HEATR5A: variants seen among roughly 807,000 people sequenced by gnomAD.
HEATR5A encodes the protein HEAT repeat containing 5A.
Under a neutral mutation model 218.8 loss-of-function variants are expected in HEATR5A, and 178 were observed. That is an observed-to-expected ratio of 0.81 (90% CI 0.72 to 0.92). The LOEUF (loss-of-function observed/expected upper bound fraction) is 0.92. Among genes scored for constraint, HEATR5A ranks in the 40% least tolerant of loss-of-function variants. The probability of loss-of-function intolerance (pLI) is 0.00; values close to 1 mark genes in which losing one functional copy is unlikely to be tolerated. For synonymous variants in HEATR5A, 864 were observed against 871.6 expected, an observed-to-expected ratio of 0.99 and a Z score of 0.15; for missense variants, 2,420 against 2,418.9, an observed-to-expected ratio of 1.00 and a Z score of -0.01.
At chr14:31,399,504 G>A (rs1399906999) in intron 3 of HEATR5A, among the ~76,000 whole-genome samples, 1 of 152,160 alleles carries the variant, frequency 6.6e-6, no homozygotes, top group Non-Finnish European at 1.5e-5. Flanking sequence ...CTGTTATAAG[G>A]TAAAAATGAG....
At chr14:31,328,922 CA>C (rs1307566941) in intron 22 of HEATR5A, among the ~76,000 whole-genome samples, 1 of 149,558 alleles carries the variant, frequency 6.7e-6, no homozygotes, top group Non-Finnish European at 1.5e-5. Flanking sequence ...CATTGACTCA[CA>C]GTTCCACATG....
At chr14:31,337,719 A>T in intron 21 of HEATR5A, 105 bp from the exon 22 acceptor site, 50 of 872,630 alleles carry the variant, frequency 5.7e-5, no homozygotes, top group Middle Eastern at 2.3e-4. Context: ...CCAGCCCATC[A>T]GTGGGCTGGA....
chr14:31,317,785 T>G (rs780444086), intron 26 of HEATR5A, among the ~76,000 whole-genome samples: 2 of 152,250 alleles, frequency 1.3e-5, no homozygotes, highest in Non-Finnish European at 2.9e-5. Flanking sequence ...ACTCACAATG[T>G]TGCTGGGACT....
At chr14:31,302,578 AAAG>A (rs1371720485) in intron 32 of HEATR5A, 59 bp from the exon 33 acceptor site, 3 of 1,140,022 alleles carry the variant, frequency 2.6e-6, no homozygotes, top group African/African-American at 1.6e-5. Context: ...TGGTTTCTAA[AAAG>A]AAATCATCAA....
chr14:31,396,172 C>T (rs1028834610), intron 4 of HEATR5A, among the ~76,000 whole-genome samples: 2 of 152,090 alleles, frequency 1.3e-5, no homozygotes, highest in Non-Finnish European at 2.9e-5. Flanking sequence ...GCCTGGGCAA[C>T]ATGGTGAAAC....
Position 31,321,496 on chromosome 14 carries a change from T to C in HEATR5A, c.3969+3A>G. On this transcript the variant is annotated splice_donor_region_variant and intron_variant, in intron 25 of 35. Transcript: ENST00000543095. ...ATAAAATTCTCTAAAAGAAAGTGCTTACATTGGCTTGATACTGTTCCAGAA... is the reference window on the plus strand; with the variant it reads ...ATAAAATTCTCTAAAAGAAAGTGCTCACATTGGCTTGATACTGTTCCAGAA... 1 of 1,572,748 alleles carries C rather than the reference T, an allele frequency of 6.4e-7. No individual in the cohort carries two copies. Among genetic ancestry groups the C allele is most frequent in the African/African-American group, 1.4e-5 (1 of 73,794 alleles).
At chr14:31,342,786 T>A (rs1462133153) in intron 21 of HEATR5A, among the ~76,000 whole-genome samples, 1 of 152,244 alleles carries the variant, frequency 6.6e-6, no homozygotes, top group Non-Finnish European at 1.5e-5. Context: ...CTTCAGTTTA[T>A]CTTTTTACTG....
chr14:31,335,289 T>C (rs1157204019), intron 22 of HEATR5A, among the ~76,000 whole-genome samples: 2 of 152,130 alleles, frequency 1.3e-5, no homozygotes, highest in Admixed American at 6.6e-5. Context: ...AGGTATTGTG[T>C]ATAGGTATGC....
At chr14:31,417,628 T>C (rs1348902992) in intron 1 of HEATR5A, among the ~76,000 whole-genome samples, 1 of 151,670 alleles carries the variant, frequency 6.6e-6, no homozygotes. Flanking sequence ...CACGCGCCTA[T>C]AATCCCAGCT....
chr14:31,305,089 G>A lies in HEATR5A; in HGVS notation c.5055C>T (p.Val1685=). ...TGGLVPGKSL[V]FATLELCVCI... ...ATACACACAATTCCAGTGTTGCAAA[G>A]ACCAAAGACTTTCCAGGCACAAGTC... The change falls in exon 32 of 36, where the codon GTC becomes GTT. Residue 1685 remains valine (V), a synonymous_variant. Transcript: ENST00000543095. The A allele has an allele frequency of 6.2e-7, 1 of 1,613,924 alleles. No homozygotes were observed. Among genetic ancestry groups the A allele is most frequent in the African/African-American group, 1.3e-5 (1 of 75,018 alleles).
chr14:31,302,725 T>C (rs921836634), intron 32 of HEATR5A: 15 of 513,188 alleles, frequency 2.9e-5, no homozygotes, highest in Non-Finnish European at 5.2e-5. Flanking sequence ...TAACTGGAGA[T>C]TACGTTTAAA....
At chr14:31,302,757 T>C in intron 32 of HEATR5A, 1 of 446,284 alleles carries the variant, frequency 2.2e-6, no homozygotes, top group Non-Finnish European at 4.0e-6. Context: ...AGTATCATTA[T>C]GCTTATGCTG....
At chr14:31,371,688 A>G in intron 13 of HEATR5A, 122 bp downstream of exon 13, 1 of 452,290 alleles carries the variant, frequency 2.2e-6, no homozygotes, top group Middle Eastern at 3.5e-4. Context: ...AAATCATATA[A>G]CTAACTGATT....
chr14:31,410,539 C>G (rs998739090), intron 1 of HEATR5A, among the ~76,000 whole-genome samples: 20 of 152,218 alleles, frequency 1.3e-4, no homozygotes, highest in African/African-American at 4.8e-4. Context: ...TTAAAGAAGG[C>G]TGCCCCTGGT....
At position 31,387,238 on chromosome 14, in the gene HEATR5A, A is replaced by T. The variant is rs370794375; in HGVS notation, c.1071T>A (p.Cys357Ter). 1 of 1,613,882 alleles carries T rather than the reference A, an allele frequency of 6.2e-7. No homozygotes were observed. Among genetic ancestry groups the T allele is most frequent in the African/African-American group, 1.3e-5 (1 of 74,922 alleles). The change falls in exon 8 of 36, where the codon TGT becomes TGA. Residue 357 changes from cysteine (C) to a stop codon, truncating the protein, a stop_gained. Transcript: ENST00000543095. LOFTEE classifies it high-confidence loss of function. ...ATQTQIDAVCCRRCVSFILRT... is the reference protein window; with the variant it reads ...ATQTQIDAVC ...GAAGAATAAATGAAACACAACGGCG[A>T]CAGCAGACGGCATCGATCTGAGTTT...
At chr14:31,312,848 A>G in intron 28 of HEATR5A, 120 bp downstream of exon 28, 1 of 838,236 alleles carries the variant, frequency 1.2e-6, no homozygotes, top group South Asian at 1.8e-5. Context: ...CAGTGAGCCA[A>G]AATTGCACCA....
chr14:31,409,073 AGTC>A (rs75939178), intron 1 of HEATR5A, among the ~76,000 whole-genome samples: 12,005 of 133,178 alleles, frequency 0.09, 897 homozygotes, highest in East Asian at 0.32. Context: ...AAAAAGATGG[AGTC>A]TTACCCTGTT....
chr14:31,332,190 A>G (rs893313359), intron 22 of HEATR5A, among the ~76,000 whole-genome samples: 1 of 152,238 alleles, frequency 6.6e-6, no homozygotes, highest in African/African-American at 2.4e-5. Flanking sequence ...ATCTGTTATG[A>G]TGATCTGTGA....
intron 6 of HEATR5A, 58 bp from the exon 7 acceptor site, chr14:31,389,063 T>C: frequency 7.0e-7 from 1 of 1,427,764 alleles, no homozygotes; most frequent in African/African-American, 1.4e-5. Context: ...TAATGTAAGT[T>C]CTTGATTTGC....
Sources: allele counts gnomAD v4.1 joint callset (sites outside exome capture counted in the v4.1 genomes callset), GRCh38; gene constraint gnomAD v4.1.1; transcripts MANE v1.5; gene names NCBI Gene and HGNC (gene_info 2026-07-23, HGNC 2026-07-21).